The following WDR93 variants were observed in gnomAD, a reference collection of about 807,000 sequenced individuals.
WDR93 encodes the protein WD repeat-containing protein 93.
In WDR93, 73 loss-of-function variants were observed where a neutral mutation model predicts 82.9. The ratio of observed to expected loss-of-function variants is 0.88; its 90% CI spans 0.73 to 1.07. The LOEUF is 1.07. Ranked by LOEUF, WDR93 falls within the 50% of genes least tolerant of loss-of-function variation. The probability of loss-of-function intolerance (pLI) is 0.00; values close to 1 mark genes in which losing one functional copy is unlikely to be tolerated. For missense variants in WDR93, 738 were observed against 826.0 expected (o/e 0.89, Z 1.31); for synonymous variants, 283 against 300.1 (o/e 0.94, Z 0.59).
intron 1 of WDR93, among the ~76,000 whole-genome samples, chr15:89,692,484 C>T (rs956841116): frequency 6.6e-6 from 1 of 152,188 alleles, no homozygotes; most frequent in African/African-American, 2.4e-5. Context: ...AACCACTGTG[C>T]TAAACTCTAG....
At chr15:89,705,691 C>A in intron 4 of WDR93, 73 bp downstream of exon 4, 1 of 977,898 alleles carries the variant, frequency 1.0e-6, no homozygotes, top group Non-Finnish European at 1.6e-6. Context: ...AATATGGAAG[C>A]AATGATAGCT....
At chr15:89,720,468 T>A (rs976065521) in intron 7 of WDR93, among the ~76,000 whole-genome samples, 1 of 152,116 alleles carries the variant, frequency 6.6e-6, no homozygotes, top group Non-Finnish European at 1.5e-5. Context: ...AGATGGGGTT[T>A]CACCATATTG....
At chr15:89,733,974 A>G (rs879288265) in intron 13 of WDR93, among the ~76,000 whole-genome samples, 6 of 151,990 alleles carry the variant, frequency 3.9e-5, no homozygotes, top group Non-Finnish European at 8.8e-5. Context: ...TACCTAATGC[A>G]TGCAAATGAA....
chr15:89,705,713 G>C, intron 4 of WDR93, 95 bp downstream of exon 4: 2 of 849,826 alleles, frequency 2.4e-6, no homozygotes, highest in Non-Finnish European at 3.9e-6. Flanking sequence ...GCCTAGATTA[G>C]AAAGAAATAG....
chr15:89,736,793 C>CT lies in WDR93; in HGVS notation c.1609-764dup, dbSNP rs536745344. Among the ~76,000 whole-genome samples the CT allele has an allele frequency of 8.3e-3, 1,089 of 130,496 alleles. 5 individuals carry two copies. Among genetic ancestry groups the CT allele is most frequent in the Non-Finnish European group, 9.6e-3 (575 of 60,206 alleles). 85.6% of individuals were successfully genotyped at this position (130,496 alleles called of 152,430 possible). A position where few individuals can be genotyped will look rare whatever the true frequency, so the allele number is the denominator to read the frequency against. On this transcript the variant is annotated intron_variant, in intron 14 of 16. Coordinates refer to ENST00000268130, the MANE Select transcript of WDR93 (RefSeq NM_020212.2). Reference sequence around the variant, plus strand: ...GAGGAGGCTGTTGGGTCAAAGGGGGCTTTTTTTTTTTTTTTTGAAACGGAG... The same window carrying CT: ...GAGGAGGCTGTTGGGTCAAAGGGGGCTTTTTTTTTTTTTTTTTGAAACGGAG...
At chr15:89,711,129 A>T (rs1382129195) in intron 4 of WDR93, among the ~76,000 whole-genome samples, 1 of 152,168 alleles carries the variant, frequency 6.6e-6, no homozygotes, top group Non-Finnish European at 1.5e-5. Flanking sequence ...TCCTGATATG[A>T]TGCAGTAGGA....
chr15:89,690,590 C>G (rs1188739879), upstream of WDR93: 3 of 1,551,280 alleles, frequency 1.9e-6, no homozygotes, highest in African/African-American at 4.1e-5. Flanking sequence ...AAGAGTCGGT[C>G]CCGGCCCTGG....
At chr15:89,730,322 C>CAAA (rs370652070) in intron 11 of WDR93, among the ~76,000 whole-genome samples, 9 of 123,452 alleles carry the variant, frequency 7.3e-5, no homozygotes, top group African/African-American at 9.1e-5. Context: ...AAGACTATCT[C>CAAA]AAAAAAAAAA....
rs192858055 is a variant in WDR93, at chr15:89,732,347, G to A, written c.1331-659G>A. Among the ~76,000 whole-genome samples the A allele has an allele frequency of 7.5e-3, 1,139 of 152,246 alleles. 18 individuals carry two copies. Among genetic ancestry groups the A allele is most frequent in the African/African-American group, 0.026 (1,095 of 41,554 alleles). On this transcript the variant is annotated intron_variant, in intron 12 of 16. Transcript: ENST00000268130. ...GGGAGTTGACTGTTCTCAGGGAGGTGTCTGTCAAGCTAGCAAATTGCCTTC... is the reference window on the plus strand; with the variant it reads ...GGGAGTTGACTGTTCTCAGGGAGGTATCTGTCAAGCTAGCAAATTGCCTTC...
intron 1 of WDR93, among the ~76,000 whole-genome samples, chr15:89,700,362 TACTCCAGCCGGTA>T (rs1965394521): frequency 6.6e-6 from 1 of 152,112 alleles, no homozygotes; most frequent in East Asian, 1.9e-4. Flanking sequence ...ATCACAGATG[TACTCCAGCCGGTA>T]AAAAAAGATG....
chr15:89,725,925 G>A (rs1432774697), intron 8 of WDR93, among the ~76,000 whole-genome samples: 1 of 151,968 alleles, frequency 6.6e-6, no homozygotes, highest in African/African-American at 2.4e-5. Context: ...ACTCATTAAG[G>A]TATATTAAGG....
chr15:89,705,453 C>T (rs1271523229), intron 3 of WDR93, 101 bp from the exon 4 acceptor site: 7 of 758,106 alleles, frequency 9.2e-6, no homozygotes, highest in East Asian at 2.6e-5. Context: ...TAAGAATGAG[C>T]GAGCTCATGA....
Position 89,705,628 on chromosome 15 carries a change from T to A in WDR93, c.561+10T>A. 3 of 1,537,930 alleles carry A rather than the reference T, an allele frequency of 2.0e-6. No homozygotes were observed. The highest frequency in any genetic ancestry group is 1.8e-6 in the Non-Finnish European group (2 of 1,111,096). ...AGCCATCAATGAAGTGGTGAGTTCCTATTCTTTCACCATTAGCTGGGCCAA... is the reference window on the plus strand; with the variant it reads ...AGCCATCAATGAAGTGGTGAGTTCCAATTCTTTCACCATTAGCTGGGCCAA... On this transcript the variant is annotated intron_variant, in intron 4 of 16. Coordinates refer to ENST00000268130, the MANE Select transcript of WDR93 (RefSeq NM_020212.2).
intron 1 of WDR93, among the ~76,000 whole-genome samples, chr15:89,695,473 T>TA (rs750284708): frequency 2.0e-5 from 3 of 152,154 alleles, no homozygotes; most frequent in Non-Finnish European, 4.4e-5. Flanking sequence ...CTGCTAGAAT[T>TA]ACAGGTGCAA....
Position 89,733,198 on chromosome 15 carries a change from CCA to C in WDR93, c.1524_1525del (p.Ile509GlnfsTer5). 1.9e-6 allele frequency: 3 copies of C among 1,613,950 alleles called. No homozygotes were observed. Among genetic ancestry groups the C allele is most frequent in the Non-Finnish European group, 2.5e-6 (3 of 1,179,874 alleles). On this transcript the variant is annotated frameshift_variant, in exon 13 of 17. Transcript: ENST00000268130. LOFTEE classifies it high-confidence loss of function. ...GAGGCTAGCGGGACCCAAGGACCCACCATCAGTGTGCTTGTTGAGAGGTCAGT... is the reference window on the plus strand; with the variant it reads ...GAGGCTAGCGGGACCCAAGGACCCACTCAGTGTGCTTGTTGAGAGGTCAGT...
At chr15:89,730,763 G>A (rs1450359040) in intron 11 of WDR93, among the ~76,000 whole-genome samples, 1 of 152,046 alleles carries the variant, frequency 6.6e-6, no homozygotes, top group Admixed American at 6.6e-5. Context: ...GCATGAGCCT[G>A]TAGTCCCAAC....
At chr15:89,731,334 T>A in intron 11 of WDR93, 109 bp from the exon 12 acceptor site, 1 of 1,518,354 alleles carries the variant, frequency 6.6e-7, no homozygotes. Flanking sequence ...TGCTCCTGGT[T>A]CCCATTCCCT....
intron 16 of WDR93, 75 bp from the exon 17 acceptor site, chr15:89,743,217 C>G (rs75562394): frequency 9.7e-6 from 14 of 1,450,314 alleles, no homozygotes; most frequent in Non-Finnish European, 1.2e-5. Flanking sequence ...ACAGGGTAGT[C>G]GAGGTCTGCC....
intron 3 of WDR93, chr15:89,704,785 A>G (rs1396885887): frequency 6.6e-6 from 1 of 152,258 alleles, no homozygotes; most frequent in Non-Finnish European, 1.5e-5. Context: ...ACATTATACT[A>G]GTTGGTTTCA....
Sources: gnomAD v4.1 joint callset for allele counts (sites outside exome capture counted in the v4.1 genomes callset) on GRCh38, gnomAD v4.1.1 for gene constraint, MANE v1.5 for transcripts, NCBI Gene and HGNC (gene_info 2026-07-23, HGNC 2026-07-21) for gene names.